Variants in FER1L6 observed in about 807,000 individuals in gnomAD.
The protein encoded by FER1L6 is fer-1 like family member 6, also known as fer-1-like protein 6.
In FER1L6, 177 loss-of-function variants were observed where a neutral mutation model predicts 219.2. The observed-to-expected ratio is 0.81, with a 90% CI of 0.71 to 0.91. The LOEUF (loss-of-function observed/expected upper bound fraction) is 0.91. FER1L6 is among the 40% of genes least tolerant of loss of function. The pLI, the probability that FER1L6 is intolerant of heterozygous loss-of-function variation, is 0.00. For synonymous variants in FER1L6, 768 were observed against 824.3 expected (o/e 0.93, Z 1.17); for missense variants, 2,153 against 2,259.9 (o/e 0.95, Z 0.96).
intron 15 of FER1L6, 132 bp from the exon 16 acceptor site, chr8:124,017,495 TA>T: frequency 1.6e-6 from 1 of 636,774 alleles, no homozygotes; most frequent in Non-Finnish European, 2.7e-6. Flanking sequence ...TGCTTAATCC[TA>T]AATTAAAAAT....
chr8:124,032,970 T>C (rs562150816), intron 18 of FER1L6, among the ~76,000 whole-genome samples: 22 of 152,312 alleles, frequency 1.4e-4, no homozygotes, highest in African/African-American at 5.3e-4. Context: ...TGGCAATCCA[T>C]GTGCTCACAG....
chr8:123,965,960 G>A, intron 3 of FER1L6, 47 bp from the exon 4 acceptor site: 1 of 1,463,866 alleles, frequency 6.8e-7, no homozygotes, highest in Non-Finnish European at 9.5e-7. Flanking sequence ...ATGACTTATG[G>A]ATATTCTTCC....
chr8:124,002,670 C>G (rs1048879190), intron 12 of FER1L6, among the ~76,000 whole-genome samples: 5 of 151,352 alleles, frequency 3.3e-5, no homozygotes, highest in Non-Finnish European at 7.4e-5. Flanking sequence ...CCTCTCTCCC[C>G]ACTCTGCTTC....
intron 1 of FER1L6, among the ~76,000 whole-genome samples, chr8:123,862,587 C>T (rs1460421208): frequency 7.0e-5 from 10 of 143,464 alleles, no homozygotes; most frequent in Admixed American, 6.9e-5. Flanking sequence ...TGGTAGAATT[C>T]GGCTGTGAAT....
At chr8:124,033,224 G>A (rs1819048214) in intron 18 of FER1L6, among the ~76,000 whole-genome samples, 1 of 152,064 alleles carries the variant, frequency 6.6e-6, no homozygotes, top group Non-Finnish European at 1.5e-5. Flanking sequence ...TAGGCACTGG[G>A]GACACGGCAG....
At chr8:123,915,154 G>A (rs190775386) in intron 1 of FER1L6, among the ~76,000 whole-genome samples, 1 of 149,720 alleles carries the variant, frequency 6.7e-6, no homozygotes, top group Non-Finnish European at 1.5e-5. Flanking sequence ...ATTTCTTTCT[G>A]CTTCAAAGAC....
At chr8:124,005,446 T>C (rs1018868817) in intron 13 of FER1L6, among the ~76,000 whole-genome samples, 2 of 152,214 alleles carry the variant, frequency 1.3e-5, no homozygotes, top group African/African-American at 4.8e-5. Context: ...GAACACACTC[T>C]TCCTTACGCC....
intron 18 of FER1L6, among the ~76,000 whole-genome samples, chr8:124,034,314 T>G (rs10453080): frequency 0.025 from 3,786 of 152,072 alleles, 169 homozygotes; most frequent in African/African-American, 0.082. Flanking sequence ...CAAGACTGGG[T>G]CCTGGGACTC....
At position 124,021,652 on chromosome 8, in the gene FER1L6, C is replaced by T. The variant is rs150164383; in HGVS notation, c.2116C>T (p.Arg706Cys). The change falls in exon 17 of 41, where the codon CGC becomes TGC. Residue 706 changes from arginine to cysteine, a missense_variant. Transcript: ENST00000522917. ...AGCCCAAAACTTTGTGGAAAAAATC[C>T]GCTTTCTTGTTGATGAGGTAACTGA... Reference protein sequence around the residue: ...HEAQNFVEKIRFLVDEPQHTI... With the variant: ...HEAQNFVEKICFLVDEPQHTI... The T allele has an allele frequency of 2.4e-4, 384 of 1,614,022 alleles. No individual in the cohort carries two copies. In the African/African-American group the frequency reaches 3.6e-3, roughly 15 times the overall value.
rs1192576246 is a variant in FER1L6, at chr8:124,094,940, C to T, written c.4597C>T (p.His1533Tyr). 6.2e-7 allele frequency: 1 copy of T among 1,614,092 alleles called. No individual in the cohort carries two copies. Among genetic ancestry groups the T allele is most frequent in the Admixed American group, 1.7e-5 (1 of 60,020 alleles). ...SYEHLALKVL[H>Y]SWEDIPEVGC... ...TGAACACCTGGCCCTCAAGGTTTTA[C>T]ACTCTTGGGAGGATATCCCGGAAGT... Residue 1533 changes from histidine to tyrosine, a missense_variant, in exon 35 of 41, where the codon CAC becomes TAC. By Grantham distance (83) the His-to-Tyr change is moderately conservative. Transcript: ENST00000522917.
At chr8:123,864,659 T>G (rs996827284) in intron 1 of FER1L6, among the ~76,000 whole-genome samples, 42 of 149,478 alleles carry the variant, frequency 2.8e-4, no homozygotes, top group Admixed American at 1.2e-3. Context: ...GTCCCATATT[T>G]CTTGGAGGCT....
In FER1L6 at chr8:123,853,553, G is replaced by A. The variant is rs1816563684; in HGVS notation, c.-8+1368G>A. On this transcript the variant is annotated intron_variant, in intron 1 of 40. Transcript: ENST00000522917. This position sits in a 1 kb window ranked among gnomAD's most constrained non-coding sequence, Gnocchi z 6.6. Reference sequence around the variant, plus strand: ...TTGGACCCAAGGCTGTTGAAAAATTGTTACTTTTTTCCTGGGGTATTGTAT... The same window carrying A: ...TTGGACCCAAGGCTGTTGAAAAATTATTACTTTTTTCCTGGGGTATTGTAT... Among the ~76,000 whole-genome samples, 1 of 152,208 alleles carries A rather than the reference G, an allele frequency of 6.6e-6. No individual in the cohort carries two copies. Among genetic ancestry groups the A allele is most frequent in the African/African-American group, 2.4e-5 (1 of 41,454 alleles).
At chr8:123,989,895 A>G (rs1158243377) in intron 12 of FER1L6, among the ~76,000 whole-genome samples, 1 of 152,198 alleles carries the variant, frequency 6.6e-6, no homozygotes, top group Non-Finnish European at 1.5e-5. Flanking sequence ...AGTCTTTATG[A>G]TATAATGACC....
At chr8:123,951,391 A>G (rs1814759477) in intron 1 of FER1L6, among the ~76,000 whole-genome samples, 1 of 152,212 alleles carries the variant, frequency 6.6e-6, no homozygotes, top group Non-Finnish European at 1.5e-5. Context: ...AATCATGGAG[A>G]GAGAGAACTT....
intron 20 of FER1L6, among the ~76,000 whole-genome samples, chr8:124,043,115 C>CT (rs975348483): frequency 6.6e-6 from 1 of 152,176 alleles, no homozygotes; most frequent in Non-Finnish European, 1.5e-5. Context: ...TGCCATGTGG[C>CT]AGGCGTTCAG....
At chr8:123,992,652 G>C (rs1012061124) in intron 12 of FER1L6, among the ~76,000 whole-genome samples, 1 of 152,088 alleles carries the variant, frequency 6.6e-6, no homozygotes, top group Admixed American at 6.5e-5. Flanking sequence ...TCTATTTAAA[G>C]AAACAATTTT....
At chr8:124,034,936 T>A (rs1819133077) in intron 18 of FER1L6, among the ~76,000 whole-genome samples, 2 of 152,338 alleles carry the variant, frequency 1.3e-5, no homozygotes, top group Non-Finnish European at 2.9e-5. Context: ...ACAGGCAACT[T>A]ACTTTATCTC....
chr8:123,928,410 A>C (rs1288315190), intron 1 of FER1L6, among the ~76,000 whole-genome samples: 2 of 152,174 alleles, frequency 1.3e-5, no homozygotes, highest in African/African-American at 4.8e-5. Flanking sequence ...TTTGAATGTA[A>C]AGCTAGTGGC....
intron 11 of FER1L6, among the ~76,000 whole-genome samples, chr8:123,983,982 T>A (rs1342811455): frequency 6.6e-6 from 1 of 152,168 alleles, no homozygotes; most frequent in East Asian, 1.9e-4. Flanking sequence ...TGACACATAG[T>A]AAGAGGTCAG....
Sources: gnomAD v4.1 joint callset for allele counts (sites outside exome capture counted in the v4.1 genomes callset) on GRCh38, gnomAD v4.1.1 for gene constraint, Gnocchi (gnomAD v3.1) non-coding constraint, MANE v1.5 for transcripts, NCBI Gene and HGNC (gene_info 2026-07-23, HGNC 2026-07-21) for gene names.